EEFSEC: variants seen among roughly 807,000 people sequenced by gnomAD.
EEFSEC encodes eukaryotic elongation factor, selenocysteine-tRNA specific, also known as selenocysteine-specific elongation factor.
A neutral mutation model predicts 42.1 loss-of-function variants in EEFSEC; 43 were observed. The observed-to-expected ratio is 1.02, with a 90% confidence interval of 0.80 to 1.32. EEFSEC has a LOEUF of 1.32. Ranked by LOEUF, EEFSEC falls within the 40% of genes most tolerant of loss-of-function variation. EEFSEC has a pLI of 0.00. For synonymous variants in EEFSEC, 354 were observed against 339.1 expected, an observed-to-expected ratio of 1.04 and a Z score of -0.48; for missense variants, 745 against 803.6, an observed-to-expected ratio of 0.93 and a Z score of 0.88.
intron 6 of EEFSEC, among the ~76,000 whole-genome samples, chr3:128,365,097 G>A (rs765015193): frequency 1.3e-5 from 2 of 152,216 alleles, no homozygotes; most frequent in Non-Finnish European, 2.9e-5. Context: ...TGAATCAGGT[G>A]TCTCAGGGCT....
At chr3:128,154,794 G>A (rs181031808) in intron 1 of EEFSEC, among the ~76,000 whole-genome samples, 2 of 152,282 alleles carry the variant, frequency 1.3e-5, no homozygotes, top group Non-Finnish European at 2.9e-5. Context: ...GGACGTTTAT[G>A]CTGTTTCCAG....
chr3:128,156,921 A>G (rs1278412224), intron 1 of EEFSEC, among the ~76,000 whole-genome samples: 11 of 152,256 alleles, frequency 7.2e-5, no homozygotes, highest in Admixed American at 6.5e-4. Context: ...ATCAAAAGTT[A>G]GAAATGATTA....
At chr3:128,394,019 CG>C (rs1489175172) in intron 6 of EEFSEC, among the ~76,000 whole-genome samples, 27 of 70,524 alleles carry the variant, frequency 3.8e-4, no homozygotes, top group Non-Finnish European at 6.1e-4. Flanking sequence ...GTGGCGGGGG[CG>C]GGGGGTGCGG....
intron 4 of EEFSEC, among the ~76,000 whole-genome samples, chr3:128,315,668 C>T (rs772117918): frequency 2.4e-4 from 37 of 152,342 alleles, no homozygotes; most frequent in Middle Eastern, 6.8e-3. Context: ...CTTGAAGTCC[C>T]TGCACACTGT....
At chr3:128,266,704 CTG>C (rs2066357978) in intron 4 of EEFSEC, among the ~76,000 whole-genome samples, 1 of 151,484 alleles carries the variant, frequency 6.6e-6, no homozygotes, top group African/African-American at 2.4e-5. Context: ...CCCCCAGACA[CTG>C]TGAGTCACAG....
At chr3:128,381,397 A>G (rs2067774659) in intron 6 of EEFSEC, among the ~76,000 whole-genome samples, 1 of 152,228 alleles carries the variant, frequency 6.6e-6, no homozygotes, top group Non-Finnish European at 1.5e-5. Flanking sequence ...CTAGAAATAA[A>G]TGATCAGGTC....
chr3:128,288,756 TTTAAGAAGAA>T (rs2066612537), intron 4 of EEFSEC, among the ~76,000 whole-genome samples: 1 of 152,244 alleles, frequency 6.6e-6, no homozygotes, highest in African/African-American at 2.4e-5. Flanking sequence ...GTGGTATTCC[TTTAAGAAGAA>T]TAACTTGGAT....
At chr3:128,310,572 C>T (rs887057990) in intron 4 of EEFSEC, among the ~76,000 whole-genome samples, 5 of 152,184 alleles carry the variant, frequency 3.3e-5, no homozygotes, top group African/African-American at 1.2e-4. Flanking sequence ...CACAACAGAA[C>T]AGTGTTTTCC....
At chr3:128,399,595 C>G (rs989467088) in intron 6 of EEFSEC, among the ~76,000 whole-genome samples, 1 of 152,114 alleles carries the variant, frequency 6.6e-6, no homozygotes, top group Non-Finnish European at 1.5e-5. Context: ...AGCCGGCCCC[C>G]CCCAGCCAGC....
intron 6 of EEFSEC, among the ~76,000 whole-genome samples, chr3:128,358,634 T>C (rs1480421235): frequency 2.0e-5 from 3 of 151,858 alleles, no homozygotes; most frequent in Non-Finnish European, 4.4e-5. Flanking sequence ...CCATTTACCA[T>C]CTGAGGGGGC....
chr3:128,169,365 G>C (rs1376216763), intron 1 of EEFSEC, among the ~76,000 whole-genome samples: 1 of 152,188 alleles, frequency 6.6e-6, no homozygotes, highest in Non-Finnish European at 1.5e-5. Context: ...AGCAGACCTG[G>C]TGTTGCAGGT....
chr3:128,293,256 T>C (rs899120284), intron 4 of EEFSEC, among the ~76,000 whole-genome samples: 1 of 152,222 alleles, frequency 6.6e-6, no homozygotes, highest in African/African-American at 2.4e-5. Flanking sequence ...TATAGGCAGA[T>C]GATAGCAGGT....
At chr3:128,192,014 C>G (rs779646230) in intron 1 of EEFSEC, among the ~76,000 whole-genome samples, 5 of 152,030 alleles carry the variant, frequency 3.3e-5, no homozygotes, top group Non-Finnish European at 5.9e-5. Context: ...ATCAATGTTC[C>G]TTTAAGGGAA....
rs150285532 is a variant in EEFSEC, at chr3:128,407,194, T to G, written c.1601-875T>G. ...AGCAGAAAACAAATTTCCACTCAGG[T>G]GTTCAGCTGGAGGGAGTTGAACAAA... On this transcript the variant is annotated intron_variant, in intron 6 of 6. Transcript: ENST00000254730. Among the ~76,000 whole-genome samples the G allele has an allele frequency of 3.0e-4, 46 of 152,264 alleles. 1 individual carries two copies. The highest frequency in any genetic ancestry group is 9.2e-4 in the Admixed American group (14 of 15,298).
intron 6 of EEFSEC, among the ~76,000 whole-genome samples, chr3:128,399,507 C>A (rs1408571804): frequency 6.6e-6 from 1 of 152,086 alleles, no homozygotes; most frequent in Non-Finnish European, 1.5e-5. Context: ...AACTTAATCA[C>A]CTTATCTTTT....
At chr3:128,416,305 C>T in the EEFSEC span, among the ~76,000 whole-genome samples, 6,579 of 152,278 alleles carry the variant, frequency 0.043, 481 homozygotes, top group African/African-American at 0.15. Flanking sequence ...CGACACAGTG[C>T]AGCAGGGCCC....
chr3:128,198,041 G>A (rs2065604367), intron 1 of EEFSEC, among the ~76,000 whole-genome samples: 1 of 151,980 alleles, frequency 6.6e-6, no homozygotes, highest in Non-Finnish European at 1.5e-5. Flanking sequence ...GTGCAGTTCC[G>A]AGCTCAGGGA....
intron 4 of EEFSEC, among the ~76,000 whole-genome samples, chr3:128,265,090 G>A (rs1265726242): frequency 6.6e-6 from 1 of 152,124 alleles, no homozygotes; most frequent in African/African-American, 2.4e-5. Context: ...CAGAAGGTGA[G>A]GTGGGCTTGA....
At chr3:128,193,477 T>C (rs1000641998) in intron 1 of EEFSEC, among the ~76,000 whole-genome samples, 32 of 152,254 alleles carry the variant, frequency 2.1e-4, no homozygotes, top group African/African-American at 7.5e-4. Context: ...AGGGCCCATT[T>C]TTCTGCATTC....
Sources: gnomAD v4.1 joint callset for allele counts (sites outside exome capture counted in the v4.1 genomes callset) on GRCh38, gnomAD v4.1.1 for gene constraint, MANE v1.5 for transcripts, NCBI Gene and HGNC (gene_info 2026-07-23, HGNC 2026-07-21) for gene names.